Variants in STX8 observed in about 807,000 individuals in gnomAD.
STX8 encodes the protein syntaxin 8, also known as syntaxin-8.
STX8 carries 23 observed loss-of-function variants against 37.5 expected under a neutral mutation model. That is an observed-to-expected ratio of 0.61 (90% CI 0.44 to 0.87). The LOEUF is 0.87. STX8 is among the 40% of genes least tolerant of loss of function. STX8 has a pLI of 0.00. For synonymous variants in STX8, 115 were observed against 99.1 expected (o/e 1.16, Z -0.95); for missense variants, 313 against 284.7 (o/e 1.10, Z -0.71).
chr17:9,311,479 CAGTG>C (rs1449707640), intron 7 of STX8, among the ~76,000 whole-genome samples: 1 of 152,116 alleles, frequency 6.6e-6, no homozygotes, highest in Admixed American at 6.6e-5. Flanking sequence ...GTAATATTAA[CAGTG>C]AGATAATAAT....
At chr17:9,536,524 C>T (rs1906064566) in intron 4 of STX8, among the ~76,000 whole-genome samples, 1 of 152,150 alleles carries the variant, frequency 6.6e-6, no homozygotes, top group Admixed American at 6.5e-5. Flanking sequence ...CAGGCACCCC[C>T]TTAACAATCG....
intron 7 of STX8, among the ~76,000 whole-genome samples, chr17:9,282,835 A>G (rs1206572278): frequency 3.3e-5 from 5 of 152,212 alleles, no homozygotes; most frequent in African/African-American, 1.2e-4. Context: ...CTGAGAGAAA[A>G]TATCCAGGCA....
chr17:9,510,951 A>G (rs939849707), intron 4 of STX8, among the ~76,000 whole-genome samples: 1 of 152,134 alleles, frequency 6.6e-6, no homozygotes, highest in East Asian at 1.9e-4. Flanking sequence ...ACAGAAATAC[A>G]AAGAATCATT....
At chr17:9,364,001 C>G (rs1208178424) in intron 7 of STX8, among the ~76,000 whole-genome samples, 1 of 152,194 alleles carries the variant, frequency 6.6e-6, no homozygotes, top group Non-Finnish European at 1.5e-5. Context: ...CCTATTCCCA[C>G]TCCCCAAATA....
chr17:9,476,553 A>G (rs1285805452), intron 6 of STX8, among the ~76,000 whole-genome samples: 2 of 151,876 alleles, frequency 1.3e-5, no homozygotes, highest in Non-Finnish European at 2.9e-5. Context: ...CCCGGGTTCA[A>G]GCTATTCTCC....
chr17:9,571,523 C>T (rs1275445654), intron 1 of STX8, among the ~76,000 whole-genome samples: 4 of 148,540 alleles, frequency 2.7e-5, no homozygotes, highest in Admixed American at 1.4e-4. Flanking sequence ...CGCTGGAACC[C>T]GGGAGGCAGA....
At chr17:9,331,132 T>C (rs1235905951) in intron 7 of STX8, among the ~76,000 whole-genome samples, 1 of 152,178 alleles carries the variant, frequency 6.6e-6, no homozygotes, top group Non-Finnish European at 1.5e-5. Context: ...CAAAGCACTG[T>C]GCTGTCTAAA....
chr17:9,355,154 G>T (rs544930548), intron 7 of STX8, among the ~76,000 whole-genome samples: 1 of 152,148 alleles, frequency 6.6e-6, no homozygotes, highest in South Asian at 2.1e-4. Flanking sequence ...ATTGATAATG[G>T]ACTCTTTCAA....
At chr17:9,438,161 T>A (rs1359784595) in intron 6 of STX8, among the ~76,000 whole-genome samples, 1 of 148,824 alleles carries the variant, frequency 6.7e-6, no homozygotes, top group African/African-American at 2.5e-5. Flanking sequence ...AAGAATTGCT[T>A]GAACCCGGGA....
intron 7 of STX8, among the ~76,000 whole-genome samples, chr17:9,284,189 C>G (rs1385360526): frequency 1.3e-5 from 2 of 152,156 alleles, no homozygotes; most frequent in African/African-American, 2.4e-5. Context: ...CCCATTTATG[C>G]AATGAAATTT....
intron 6 of STX8, among the ~76,000 whole-genome samples, chr17:9,436,443 C>T (rs7209649): frequency 6.6e-6 from 1 of 151,818 alleles, no homozygotes; most frequent in Admixed American, 6.6e-5. Context: ...GAAGTGGGCA[C>T]GTAGAATGGG....
intron 7 of STX8, among the ~76,000 whole-genome samples, chr17:9,274,302 A>C (rs577438817): frequency 2.0e-5 from 3 of 152,150 alleles, no homozygotes; most frequent in Non-Finnish European, 4.4e-5. Flanking sequence ...GGCTTTGTTC[A>C]TAACTTCCTG....
rs373835074 is a variant in STX8 at position 9,395,967 on chromosome 17, C to T, written c.542-17314G>A. On this transcript the variant is annotated intron_variant, in intron 6 of 7. Transcript: ENST00000306357. ...TGCAAAAAGCCTTACATTACTTAGG[C>T]GTTAAACAACCCTACAATAGCTGCA... Among the ~76,000 whole-genome samples, 6 of 152,240 alleles carry T rather than the reference C, an allele frequency of 3.9e-5. No individual in the cohort carries two copies. In the East Asian group the frequency reaches 5.8e-4, roughly 15 times the overall value.
chr17:9,327,849 C>A (rs1390434894), intron 7 of STX8, among the ~76,000 whole-genome samples: 1 of 151,704 alleles, frequency 6.6e-6, no homozygotes, highest in East Asian at 1.9e-4. Context: ...TAATTTTTCT[C>A]CTTCCTTCCT....
intron 6 of STX8, among the ~76,000 whole-genome samples, chr17:9,392,302 T>C (rs765290644): frequency 6.6e-6 from 1 of 152,052 alleles, no homozygotes; most frequent in Non-Finnish European, 1.5e-5. Context: ...AGAAGCATAG[T>C]TGTTGGAGTT....
At chr17:9,396,906 A>C (rs932454044) in intron 6 of STX8, among the ~76,000 whole-genome samples, 5 of 152,216 alleles carry the variant, frequency 3.3e-5, no homozygotes, top group Non-Finnish European at 7.3e-5. Flanking sequence ...TGCATTACAA[A>C]TGTATGCAAC....
chr17:9,409,768 G>T (rs567192561), intron 6 of STX8, among the ~76,000 whole-genome samples: 6 of 151,774 alleles, frequency 4.0e-5, no homozygotes, highest in African/African-American at 1.4e-4. Context: ...TGAGATAATA[G>T]ATCCCTAATT....
chr17:9,261,922 C>A (rs540202649), intron 7 of STX8, among the ~76,000 whole-genome samples: 17 of 152,302 alleles, frequency 1.1e-4, no homozygotes, highest in African/African-American at 4.1e-4. Flanking sequence ...CTTGTTTTGA[C>A]AATTCCCTCT....
intron 7 of STX8, among the ~76,000 whole-genome samples, chr17:9,253,207 G>GGTGTGTGTGTGT (rs36048368): frequency 0.096 from 13,589 of 140,844 alleles, 839 homozygotes; most frequent in Non-Finnish European, 0.11. Context: ...CAGGGGTAGG[G>GGTGTGTGTGTGT]GTGTGTGTGT....
Sources: gnomAD v4.1 joint callset for allele counts (sites outside exome capture counted in the v4.1 genomes callset) on GRCh38, gnomAD v4.1.1 for gene constraint, MANE v1.5 for transcripts, NCBI Gene and HGNC (gene_info 2026-07-23, HGNC 2026-07-21) for gene names.